Variants in LMO3 observed in about 807,000 individuals in gnomAD.
The protein encoded by LMO3 is LIM domain only protein 3.
In LMO3, 2 loss-of-function variants were observed where a neutral mutation model predicts 15.8. The observed-to-expected ratio is 0.13, with a 90% confidence interval of 0.05 to 0.40. The LOEUF (loss-of-function observed/expected upper bound fraction) is 0.40. LMO3 is among the 10% of genes least tolerant of loss of function. The probability of loss-of-function intolerance (pLI) is 0.99; values close to 1 mark genes in which losing one functional copy is unlikely to be tolerated. For missense variants in LMO3, 86 were observed against 182.2 expected (o/e 0.47, Z 3.04); for synonymous variants, 62 against 63.8 (o/e 0.97, Z 0.13).
Position 16,550,194 on chromosome 12 carries a change from C to T in LMO3, c.*1028G>A, listed in dbSNP as rs1042504891. 1 of 152,168 alleles carries T rather than the reference C, an allele frequency of 6.6e-6. No individual in the cohort carries two copies. Among genetic ancestry groups the T allele is most frequent in the African/African-American group, 2.4e-5 (1 of 41,434 alleles). The allele number at this position is 152,168 out of a possible 1,614,324, so 9.4% of individuals were successfully genotyped here. On this transcript the variant is annotated 3_prime_UTR_variant, in exon 4 of 4. Transcript: ENST00000537304. ...CATTATAGTGATTTCAGTAGATTCA[C>T]ACTCAAATCTTTTCAGTGTCATACA... is the stretch of plus-strand genomic sequence containing the variant.
At chr12:16,567,144 T>C (rs1682929154) in intron 2 of LMO3, among the ~76,000 whole-genome samples, 1 of 152,042 alleles carries the variant, frequency 6.6e-6, no homozygotes, top group African/African-American at 2.4e-5. Context: ...TGCAGTGAGC[T>C]GAGATCGTGC....
At chr12:16,607,813 A>G (rs1357016279), upstream of LMO3, 2 of 150,566 alleles carry the variant, frequency 1.3e-5, no homozygotes, top group Non-Finnish European at 2.9e-5. Context: ...GTTTTTCTTC[A>G]TAAAGAATAA....
intron 2 of LMO3, chr12:16,594,431 G>T: frequency 4.0e-6 from 2 of 502,278 alleles, no homozygotes; most frequent in South Asian, 4.5e-5. Context: ...ACAGAGTATT[G>T]CTATTTTTAT....
intron 3 of LMO3, among the ~76,000 whole-genome samples, chr12:16,553,856 A>G (rs1942082385): frequency 6.6e-6 from 1 of 151,698 alleles, no homozygotes; most frequent in Non-Finnish European, 1.5e-5. Flanking sequence ...TATGAGATTC[A>G]GCATTTGCAG....
At position 16,596,469 on chromosome 12, in the gene LMO3, A is replaced by T. The variant is rs757046372; in HGVS notation, c.206+4186T>A. 1.1e-4 allele frequency among the ~76,000 whole-genome samples: 17 copies of T among 151,676 alleles called. No individual in the cohort carries two copies. The highest frequency in any genetic ancestry group is 2.4e-4 in the Non-Finnish European group (16 of 67,652). On this transcript the variant is annotated intron_variant, in intron 2 of 3. Transcript: ENST00000537304. This position sits in a 1 kb window ranked among gnomAD's most constrained non-coding sequence, Gnocchi z 4.3. ...AAGATATCATTCATAGAGATACAAG[A>T]TACATACAGCCTATATAGACTTAAT...
chr12:16,573,339 A>G (rs963981523), intron 2 of LMO3, among the ~76,000 whole-genome samples: 1 of 152,224 alleles, frequency 6.6e-6, no homozygotes, highest in Non-Finnish European at 1.5e-5. Context: ...TTGAATATTA[A>G]AAACATGAGG....
At chr12:16,588,587 C>G (rs997417873) in intron 2 of LMO3, among the ~76,000 whole-genome samples, 9 of 151,980 alleles carry the variant, frequency 5.9e-5, no homozygotes, top group African/African-American at 1.9e-4. Flanking sequence ...GTAATTCTCC[C>G]AAAGATCCAA....
At chr12:16,554,236 A>G (rs1591766375) in intron 3 of LMO3, among the ~76,000 whole-genome samples, 1 of 152,210 alleles carries the variant, frequency 6.6e-6, no homozygotes, top group Admixed American at 6.5e-5. Flanking sequence ...GCAGGTTATC[A>G]AAAGCCTATG....
chr12:16,597,391 C>T lies in LMO3; in HGVS notation c.206+3264G>A, dbSNP rs1234097115. ...TTTCATATTATTTAATATCTCAAATCATCATTCAAAGAACTTATAAATCAC... is the reference window on the plus strand; with the variant it reads ...TTTCATATTATTTAATATCTCAAATTATCATTCAAAGAACTTATAAATCAC... On this transcript the variant is annotated intron_variant, in intron 2 of 3. Transcript: ENST00000537304. The surrounding 1 kb of genome is among the most constrained non-coding windows in gnomAD (Gnocchi z 5.0). 6.6e-6 allele frequency among the ~76,000 whole-genome samples: 1 copy of T among 151,718 alleles called. No individual in the cohort carries two copies. The highest frequency in any genetic ancestry group is 1.9e-4 in the East Asian group (1 of 5,188).
At position 16,549,928 on chromosome 12, in the gene LMO3, A is replaced by G. The variant is rs567686546; in HGVS notation, c.*1294T>C. On this transcript the variant is annotated 3_prime_UTR_variant, in exon 4 of 4. Transcript: ENST00000537304. ...TGGAAAGACAAATTTCAGCCTAAGA[A>G]TGATGTATTCTGAGTTGGCAATTAC... is the stretch of plus-strand genomic sequence containing the variant. 1.2e-4 allele frequency: 19 copies of G among 152,256 alleles called. No homozygotes were observed. The highest frequency in any genetic ancestry group is 4.1e-4 in the African/African-American group (17 of 41,562). 9.4% of individuals were successfully genotyped at this position (152,256 alleles called of 1,614,324 possible). A position where few individuals can be genotyped will look rare whatever the true frequency, so the allele number is the denominator to read the frequency against.
At chr12:16,561,418 G>A (rs1283839927) in intron 2 of LMO3, among the ~76,000 whole-genome samples, 1 of 152,050 alleles carries the variant, frequency 6.6e-6, no homozygotes, top group African/African-American at 2.4e-5. Flanking sequence ...AAGCAAACTA[G>A]ATGAAAAACA....
Position 16,555,156 on chromosome 12 carries a change from AGAAT to A in LMO3, c.333-3833_333-3830del, listed in dbSNP as rs1450392453. On this transcript the variant is annotated intron_variant, in intron 3 of 3. Transcript: ENST00000537304. This position sits in a 1 kb window ranked among gnomAD's most constrained non-coding sequence, Gnocchi z 5.5. ...TTTGGTGTTTGACTAATACTTTATC[AGAAT>A]TTGCTATCATTATTATTTGGTAATG... Among the ~76,000 whole-genome samples the A allele has an allele frequency of 6.6e-6, 1 of 152,254 alleles. No individual in the cohort carries two copies. Among genetic ancestry groups the A allele is most frequent in the African/African-American group, 2.4e-5 (1 of 41,470 alleles).
chr12:16,601,380 G>A (rs1022124651), intron 1 of LMO3, among the ~76,000 whole-genome samples: 2 of 152,134 alleles, frequency 1.3e-5, no homozygotes, highest in South Asian at 4.1e-4. Context: ...CAGCAGTAGA[G>A]GTGTTTATAG....
chr12:16,565,518 T>C (rs921607453), intron 2 of LMO3, among the ~76,000 whole-genome samples: 3 of 152,156 alleles, frequency 2.0e-5, no homozygotes, highest in African/African-American at 7.2e-5. Flanking sequence ...TGCTCCACTG[T>C]CATAGAGATA....
intron 3 of LMO3, among the ~76,000 whole-genome samples, chr12:16,552,661 C>CT (rs1942033045): frequency 6.6e-6 from 1 of 152,000 alleles, no homozygotes; most frequent in South Asian, 2.1e-4. Context: ...GTGGAATTTA[C>CT]TTTTTTTCCC....
Position 16,584,020 on chromosome 12 carries a change from T to C in LMO3, c.206+16635A>G, listed in dbSNP as rs967988086. 1.5e-4 allele frequency among the ~76,000 whole-genome samples: 23 copies of C among 152,178 alleles called. No individual in the cohort carries two copies. The highest frequency in any genetic ancestry group is 1.3e-4 in the Non-Finnish European group (9 of 68,030). On this transcript the variant is annotated intron_variant, in intron 2 of 3. Transcript: ENST00000537304. This position sits in a 1 kb window ranked among gnomAD's most constrained non-coding sequence, Gnocchi z 5.2. ...ATACTTTTCCATAAGGAAAAGACAC[T>C]GTATATAATTCTGGGATGGCAGGCT...
Position 16,600,886 on chromosome 12 carries a change from CA to C in LMO3, c.-8-19del. On this transcript the variant is annotated intron_variant, in intron 1 of 3. Coordinates refer to ENST00000537304, the MANE Select transcript of LMO3 (RefSeq NM_018640.5). Reference sequence around the variant, plus strand: ...TTGTATACCTAAAGGAAGACAAAAGCAAAAAAGAGAGCTGAGACTACCAGAC... The same window carrying C: ...TTGTATACCTAAAGGAAGACAAAAGCAAAAAGAGAGCTGAGACTACCAGAC... 3 of 1,566,458 alleles carry C rather than the reference CA, an allele frequency of 1.9e-6. No homozygotes were observed. Among genetic ancestry groups the C allele is most frequent in the Non-Finnish European group, 2.6e-6 (3 of 1,146,292 alleles).
chr12:16,583,052 A>AG (rs2093407782), intron 2 of LMO3, among the ~76,000 whole-genome samples: 1 of 148,460 alleles, frequency 6.7e-6, no homozygotes, highest in Admixed American at 6.7e-5. Flanking sequence ...GCCTCAAAAA[A>AG]AAAAAAAAAA....
At position 16,604,557 on chromosome 12, in the gene LMO3, G is replaced by A. The variant is rs1943926580; in HGVS notation, c.-9+1509C>T. Reference sequence around the variant, plus strand: ...AGTTCAATTTTGATGCAGCTCACATGCAAAATAAAAAAAAAAAATAAGAAA... The same window carrying A: ...AGTTCAATTTTGATGCAGCTCACATACAAAATAAAAAAAAAAAATAAGAAA... On this transcript the variant is annotated intron_variant, in intron 1 of 3. Transcript: ENST00000537304. The surrounding 1 kb of genome is among the most constrained non-coding windows in gnomAD (Gnocchi z 5.3). 3.2e-6 allele frequency: 1 copy of A among 316,538 alleles called. No individual in the cohort carries two copies. The highest frequency in any genetic ancestry group is 5.7e-6 in the Non-Finnish European group (1 of 174,482). The allele number at this position is 316,538 out of a possible 1,614,324, so 19.6% of individuals were successfully genotyped here.
Sources: allele counts gnomAD v4.1 joint callset (sites outside exome capture counted in the v4.1 genomes callset), GRCh38; gene constraint gnomAD v4.1.1; non-coding constraint Gnocchi (gnomAD v3.1); transcripts MANE v1.5; gene names NCBI Gene and HGNC (gene_info 2026-07-23, HGNC 2026-07-21).